Variants in MBD5 observed in about 807,000 individuals in gnomAD.
MBD5 encodes the protein methyl-CpG-binding domain protein 5.
A neutral mutation model predicts 117.3 loss-of-function variants in MBD5; 13 were observed. The observed-to-expected ratio is 0.11, with a 90% confidence interval of 0.07 to 0.18. The LOEUF is 0.18. Among genes scored for constraint, MBD5 ranks in the 10% least tolerant of loss-of-function variants. MBD5 has a pLI of 1.00. For missense variants in MBD5, 1,879 were observed against 2,093.8 expected (o/e 0.90, Z 2.00); for synonymous variants, 727 against 766.4 (o/e 0.95, Z 0.85).
chr2:148,499,014 AG>A (rs1261132019), intron 11 of MBD5, among the ~76,000 whole-genome samples: 5 of 152,170 alleles, frequency 3.3e-5, no homozygotes, highest in Admixed American at 3.3e-4. Context: ...AAGTATTGGT[AG>A]GGCACGGTGG....
chr2:148,129,710 T>C (rs1696990872), intron 1 of MBD5, among the ~76,000 whole-genome samples: 1 of 152,188 alleles, frequency 6.6e-6, no homozygotes, highest in South Asian at 2.1e-4. Flanking sequence ...AAGAACTATT[T>C]TATATCTACT....
At chr2:148,168,503 C>G (rs1298259947) in intron 1 of MBD5, among the ~76,000 whole-genome samples, 1 of 152,066 alleles carries the variant, frequency 6.6e-6, no homozygotes, top group South Asian at 2.1e-4. Context: ...TTAAGAAAGT[C>G]ATGAAAATGA....
At chr2:148,108,456 T>G (rs1262459334) in intron 1 of MBD5, among the ~76,000 whole-genome samples, 1 of 152,012 alleles carries the variant, frequency 6.6e-6, no homozygotes. Context: ...GTCTAGTTTA[T>G]GCTTACACTA....
chr2:148,083,264 G>A (rs1695693744), intron 1 of MBD5, among the ~76,000 whole-genome samples: 1 of 152,100 alleles, frequency 6.6e-6, no homozygotes, highest in African/African-American at 2.4e-5. Flanking sequence ...CTTTATAGAT[G>A]GTTAATTGGT....
At chr2:148,448,424 A>G (rs2197581) in intron 4 of MBD5, among the ~76,000 whole-genome samples, 120,210 of 151,788 alleles carry the variant, frequency 0.79, 50,021 homozygotes, top group East Asian at 0.98. Context: ...GGGTTTCTTC[A>G]GTGGGTAAGG....
intron 1 of MBD5, among the ~76,000 whole-genome samples, chr2:148,039,681 C>A (rs543199234): frequency 0.013 from 926 of 69,720 alleles, 3 homozygotes; most frequent in South Asian, 0.038. Context: ...ACTGTGTATT[C>A]TTTAATTTCA....
chr2:148,051,602 T>TGA (rs1205213622), intron 1 of MBD5, among the ~76,000 whole-genome samples: 1 of 99,794 alleles, frequency 1.0e-5, no homozygotes, highest in Non-Finnish European at 2.0e-5. Flanking sequence ...TTCTGTTTGT[T>TGA]GAGTGTGTGT....
At chr2:148,208,040 G>A (rs969513986) in intron 2 of MBD5, among the ~76,000 whole-genome samples, 3 of 152,164 alleles carry the variant, frequency 2.0e-5, no homozygotes, top group African/African-American at 7.2e-5. Flanking sequence ...AGTGGGTCCA[G>A]TGTGTTGGCA....
At chr2:148,486,058 C>T in intron 10 of MBD5, 108 bp downstream of exon 10, 1 of 944,348 alleles carries the variant, frequency 1.1e-6, no homozygotes, top group Non-Finnish European at 1.7e-6. Flanking sequence ...CCTTTCACCT[C>T]TATTTACTGT....
chr2:148,116,000 C>A (rs1329632063), intron 1 of MBD5, among the ~76,000 whole-genome samples: 1 of 151,952 alleles, frequency 6.6e-6, no homozygotes, highest in Non-Finnish European at 1.5e-5. Flanking sequence ...CATGCCACCA[C>A]GCCCAGCTAA....
intron 4 of MBD5, among the ~76,000 whole-genome samples, chr2:148,395,881 A>G (rs1704700477): frequency 6.6e-6 from 1 of 152,158 alleles, no homozygotes. Flanking sequence ...CATGATGTGA[A>G]CAGGCTCCGG....
chr2:148,123,062 A>G (rs1696806366), intron 1 of MBD5, among the ~76,000 whole-genome samples: 1 of 152,168 alleles, frequency 6.6e-6, no homozygotes, highest in African/African-American at 2.4e-5. Context: ...TGTTCTCACC[A>G]AGTGCTGCTC....
chr2:148,180,343 C>CATAT lies in MBD5; in HGVS notation c.-831+1565_-831+1568dup, dbSNP rs70992196. Among the ~76,000 whole-genome samples the CATAT allele has an allele frequency of 1.7e-3, 183 of 105,544 alleles. 6 individuals carry two copies. The highest frequency in any genetic ancestry group is 3.7e-3 in the East Asian group (14 of 3,744). The allele number at this position is 105,544 out of a possible 152,430, so 69.2% of individuals were successfully genotyped here. A position where few individuals can be genotyped will look rare whatever the true frequency, so the allele number is the denominator to read the frequency against. ...ATCCTTCTAGTAAAAAAAAATTATA[C>CATAT]ATATATATATATATATATGTATATA... is the stretch of plus-strand genomic sequence containing the variant. On this transcript the variant is annotated intron_variant, in intron 2 of 13. Transcript: ENST00000642680.
intron 3 of MBD5, among the ~76,000 whole-genome samples, chr2:148,241,584 T>C (rs1435438861): frequency 2.6e-5 from 4 of 152,120 alleles, no homozygotes; most frequent in African/African-American, 7.2e-5. Context: ...TGCTTTGTAT[T>C]TTCTTCCTTT....
At chr2:148,056,650 T>C (rs1264255269) in intron 1 of MBD5, among the ~76,000 whole-genome samples, 2 of 152,080 alleles carry the variant, frequency 1.3e-5, no homozygotes, top group Non-Finnish European at 1.5e-5. Flanking sequence ...CTTTGTCATG[T>C]TATCTTTTTT....
intron 1 of MBD5, chr2:148,055,009 C>G (rs1045818617): frequency 6.6e-5 from 10 of 152,026 alleles, no homozygotes; most frequent in African/African-American, 2.4e-4. Flanking sequence ...TTTACAGTTC[C>G]CCAATTGCTA....
intron 4 of MBD5, among the ~76,000 whole-genome samples, chr2:148,452,524 A>G (rs938749176): frequency 1.3e-5 from 2 of 151,920 alleles, no homozygotes; most frequent in African/African-American, 4.8e-5. Context: ...AAAATAAAAT[A>G]CCCATTTAAC....
chr2:148,164,863 G>T (rs1326895278), intron 1 of MBD5, among the ~76,000 whole-genome samples: 1 of 152,054 alleles, frequency 6.6e-6, no homozygotes, highest in East Asian at 1.9e-4. Context: ...ATGTAGTGAG[G>T]GCCTTCTTGC....
chr2:148,422,379 A>G (rs997528652), intron 4 of MBD5, among the ~76,000 whole-genome samples: 23 of 152,218 alleles, frequency 1.5e-4, no homozygotes, highest in African/African-American at 5.5e-4. Context: ...ACAGAAAGGA[A>G]TAGCATCAAC....
Sources: allele counts gnomAD v4.1 joint callset (sites outside exome capture counted in the v4.1 genomes callset), GRCh38; gene constraint gnomAD v4.1.1; transcripts MANE v1.5; gene names NCBI Gene and HGNC (gene_info 2026-07-23, HGNC 2026-07-21).